The following GRM8 variants were observed in gnomAD, a reference collection of about 807,000 sequenced individuals.
GRM8 encodes the protein metabotropic glutamate receptor 8.
A neutral mutation model predicts 87.2 loss-of-function variants in GRM8; 47 were observed. The ratio of observed to expected loss-of-function variants is 0.54; its 90% CI spans 0.43 to 0.69. The LOEUF is 0.69. Among genes scored for constraint, GRM8 ranks in the 30% least tolerant of loss-of-function variants. The pLI is 0.00. For synonymous variants in GRM8, 396 were observed against 404.5 expected, an observed-to-expected ratio of 0.98 and a Z score of 0.25; for missense variants, 1,019 against 1,139.2, an observed-to-expected ratio of 0.89 and a Z score of 1.52.
intron 3 of GRM8, among the ~76,000 whole-genome samples, chr7:126,941,189 T>C (rs1411468327): frequency 1.3e-5 from 2 of 152,276 alleles, no homozygotes; most frequent in Non-Finnish European, 2.9e-5. Context: ...CCAAAGGACA[T>C]CTATCCAGTG....
chr7:126,533,153 G>A lies in GRM8; in HGVS notation c.2229C>T (p.Asp743=), dbSNP rs753354041. ...PEKARGVLKC[D]ISDLSLICSL... Reference sequence around the variant, plus strand: ...AACAAATGAGTGAGAGATCAGAAATGTCACACTTGAGCACTCCCCTGGCCT... The same window carrying A: ...AACAAATGAGTGAGAGATCAGAAATATCACACTTGAGCACTCCCCTGGCCT... Residue 743 remains aspartate (D), a synonymous_variant, in exon 9 of 11, where the codon GAC becomes GAT. Transcript: ENST00000339582. 6 of 1,612,878 alleles carry A rather than the reference G, an allele frequency of 3.7e-6. No individual in the cohort carries two copies. The highest frequency in any genetic ancestry group is 4.2e-6 in the Non-Finnish European group (5 of 1,179,756).
chr7:126,732,112 A>C (rs939072752), intron 7 of GRM8, among the ~76,000 whole-genome samples: 1 of 152,104 alleles, frequency 6.6e-6, no homozygotes, highest in Non-Finnish European at 1.5e-5. Context: ...TCTTGTATAC[A>C]GTCATTAAAT....
chr7:126,471,966 G>C (rs1217060009), intron 9 of GRM8, among the ~76,000 whole-genome samples: 1 of 152,164 alleles, frequency 6.6e-6, no homozygotes, highest in South Asian at 2.1e-4. Context: ...GTGAATGGGA[G>C]TTCACTCATG....
chr7:126,529,401 C>T (rs933221974), intron 9 of GRM8, among the ~76,000 whole-genome samples: 2 of 152,046 alleles, frequency 1.3e-5, no homozygotes, highest in South Asian at 2.1e-4. Context: ...TCCACAACAA[C>T]GATGACTTTT....
intron 3 of GRM8, among the ~76,000 whole-genome samples, chr7:127,032,031 A>T (rs972771466): frequency 6.6e-6 from 1 of 152,172 alleles, no homozygotes; most frequent in Non-Finnish European, 1.5e-5. Context: ...CTCTTCTAGA[A>T]AGAAAAAAAT....
intron 7 of GRM8, among the ~76,000 whole-genome samples, chr7:126,702,701 G>C (rs1160080090): frequency 1.3e-5 from 2 of 152,176 alleles, no homozygotes; most frequent in Admixed American, 1.3e-4. Flanking sequence ...GGCAGATGTA[G>C]AGGGCCAGTT....
intron 7 of GRM8, among the ~76,000 whole-genome samples, chr7:126,762,998 T>C (rs1440762039): frequency 6.6e-6 from 1 of 151,908 alleles, no homozygotes; most frequent in Non-Finnish European, 1.5e-5. Flanking sequence ...TTTTTTCAAA[T>C]GTTTATTAAC....
intron 9 of GRM8, among the ~76,000 whole-genome samples, chr7:126,514,948 A>G (rs1811959433): frequency 6.6e-6 from 1 of 152,168 alleles, no homozygotes; most frequent in East Asian, 1.9e-4. Flanking sequence ...TAGCAATAGT[A>G]CACTTACTAA....
intron 6 of GRM8, among the ~76,000 whole-genome samples, chr7:126,849,763 C>T (rs907605550): frequency 6.6e-6 from 1 of 152,098 alleles, no homozygotes; most frequent in Non-Finnish European, 1.5e-5. Flanking sequence ...CTCCCACCCA[C>T]CTCATCTGGT....
At chr7:126,933,787 T>C (rs1255172808) in intron 3 of GRM8, among the ~76,000 whole-genome samples, 4 of 152,180 alleles carry the variant, frequency 2.6e-5, no homozygotes, top group South Asian at 2.1e-4. Flanking sequence ...TCAATAAATA[T>C]GGGGTAACAT....
chr7:126,508,798 C>T (rs1160517232), intron 9 of GRM8, among the ~76,000 whole-genome samples: 6 of 151,856 alleles, frequency 4.0e-5, no homozygotes, highest in Non-Finnish European at 8.8e-5. Flanking sequence ...GAATGAATGA[C>T]GTATATAAGG....
At chr7:127,150,972 T>G (rs746355969) in intron 2 of GRM8, among the ~76,000 whole-genome samples, 1 of 152,102 alleles carries the variant, frequency 6.6e-6, no homozygotes, top group Non-Finnish European at 1.5e-5. Context: ...TTTTGTTTTT[T>G]GCAGTTTGTA....
At chr7:126,835,257 CTGTT>C (rs1795741761) in intron 6 of GRM8, among the ~76,000 whole-genome samples, 1 of 152,074 alleles carries the variant, frequency 6.6e-6, no homozygotes, top group Non-Finnish European at 1.5e-5. Context: ...CTTCATAGCA[CTGTT>C]TGTTATTAAG....
chr7:126,899,727 G>T (rs971854934), intron 6 of GRM8, among the ~76,000 whole-genome samples: 9 of 114,618 alleles, frequency 7.9e-5, no homozygotes, highest in African/African-American at 3.2e-4. Flanking sequence ...TCTTTCACTA[G>T]TTATCCCTTC....
rs1415872132 is a variant in GRM8, at chr7:126,633,200, G to C, written c.1358-23702C>G. Among the ~76,000 whole-genome samples the C allele has an allele frequency of 2.0e-5, 3 of 152,034 alleles. No homozygotes were observed. The East Asian group carries it at 5.8e-4, about 29-fold the overall frequency. ...GCTCTCAGAATCTGCTGACCACAAT[G>C]CTTTCCCCCATAAAGTGGAGAAGAA... On this transcript the variant is annotated intron_variant, in intron 7 of 10. Transcript: ENST00000339582.
At chr7:126,755,386 G>GA (rs1816889070) in intron 7 of GRM8, among the ~76,000 whole-genome samples, 1 of 151,896 alleles carries the variant, frequency 6.6e-6, no homozygotes, top group Admixed American at 6.6e-5. Flanking sequence ...ATACTACCTG[G>GA]AAAAAATGTC....
chr7:126,582,525 C>A (rs1240142803), intron 8 of GRM8, among the ~76,000 whole-genome samples: 1 of 152,118 alleles, frequency 6.6e-6, no homozygotes, highest in East Asian at 1.9e-4. Flanking sequence ...ATGAAGGTGT[C>A]TACAACAATC....
At chr7:127,251,684 T>A (rs925849497) in intron 1 of GRM8, among the ~76,000 whole-genome samples, 6 of 151,200 alleles carry the variant, frequency 4.0e-5, no homozygotes, top group African/African-American at 2.4e-5. Flanking sequence ...CCGCCGCACC[T>A]GGCCGCCCGA....
At position 126,820,817 on chromosome 7, in the gene GRM8, A is replaced by G. The variant is rs180676803; in HGVS notation, c.1157-50752T>C. ...CTGCTTCACAAAGAAATTAAAGACC[A>G]TCCTAGGGCACGGTGGCTCATGCCT... On this transcript the variant is annotated intron_variant, in intron 6 of 10. Coordinates refer to ENST00000339582, the MANE Select transcript of GRM8 (RefSeq NM_000845.3). 1.9e-3 allele frequency among the ~76,000 whole-genome samples: 295 copies of G among 152,288 alleles called. 1 individual carries two copies. Among genetic ancestry groups the G allele is most frequent in the African/African-American group, 6.8e-3 (281 of 41,560 alleles).
Sources: gnomAD v4.1 joint callset for allele counts (sites outside exome capture counted in the v4.1 genomes callset) on GRCh38, gnomAD v4.1.1 for gene constraint, MANE v1.5 for transcripts, NCBI Gene and HGNC (gene_info 2026-07-23, HGNC 2026-07-21) for gene names.